ZBTB45: variants seen among roughly 807,000 people sequenced by gnomAD.
ZBTB45 encodes zinc finger and BTB domain-containing protein 45.
In ZBTB45, 22 loss-of-function variants were observed where a neutral mutation model predicts 28.4. The observed-to-expected ratio is 0.77, with a 90% confidence interval of 0.55 to 1.10. The LOEUF (loss-of-function observed/expected upper bound fraction) is 1.10. ZBTB45 is among the 50% of genes least tolerant of loss of function. The probability of loss-of-function intolerance (pLI) is 0.00; values close to 1 mark genes in which losing one functional copy is unlikely to be tolerated. For missense variants in ZBTB45, 656 were observed against 750.2 expected (o/e 0.87, Z 1.47); for synonymous variants, 361 against 332.3 (o/e 1.09, Z -0.94).
Position 58,514,212 on chromosome 19 carries a change from G to A in ZBTB45, c.1378C>T (p.Gln460Ter). The change falls in exon 3 of 3, where the codon CAG becomes TAG. Residue 460 changes from glutamine to a stop codon, truncating the protein, a stop_gained. Coordinates refer to ENST00000594051, the MANE Select transcript of ZBTB45 (RefSeq NM_001316979.2). LOFTEE classifies it high-confidence loss of function. ...MVTHTGVRAF[Q>*]CAVCAKRFTQ... The stretch of plus-strand genomic sequence containing the variant: ...AAGCGCTTGGCGCAGACGGCGCACT[G>A]GAAGGCGCGCACGCCGGTGTGCGTG... 2.5e-6 allele frequency: 4 copies of A among 1,612,658 alleles called. No homozygotes were observed. The highest frequency in any genetic ancestry group is 3.4e-6 in the Non-Finnish European group (4 of 1,179,684).
At chr19:58,538,058 G>A (rs941181352) in intron 1 of ZBTB45, among the ~76,000 whole-genome samples, 1 of 151,866 alleles carries the variant, frequency 6.6e-6, no homozygotes, top group Non-Finnish European at 1.5e-5. Flanking sequence ...GGCTGGTGGC[G>A]AACTCCCGAC....
rs779404257 is a variant in ZBTB45, at chr19:58,517,163, G to A, written c.511C>T (p.Arg171Cys). 37 of 1,611,120 alleles carry A rather than the reference G, an allele frequency of 2.3e-5. No individual in the cohort carries two copies. The highest frequency in any genetic ancestry group is 2.7e-5 in the Non-Finnish European group (32 of 1,179,130). The change falls in exon 2 of 3, where the codon CGT becomes TGT. Residue 171 changes from arginine (R) to cysteine (C), a missense_variant. Physicochemically the swap from Arg to Cys is radical, Grantham distance 180 (BLOSUM62 -3). Transcript: ENST00000594051. ...PPGHPGAAHS[R>C]KQRQPARLQL... ...AAACGCGCGGGCTGGCGCTGCTTAC[G>A]GCTGTGTGCAGCACCGGGGTGCCCC...
intron 1 of ZBTB45, among the ~76,000 whole-genome samples, chr19:58,534,312 T>C (rs950620310): frequency 1.3e-5 from 2 of 152,182 alleles, no homozygotes; most frequent in African/African-American, 2.4e-5. Flanking sequence ...TGCACAACAT[T>C]GTGAATGCAT....
upstream of ZBTB45, among the ~76,000 whole-genome samples, chr19:58,522,724 C>T (rs2053585226): frequency 6.6e-6 from 1 of 152,224 alleles, no homozygotes; most frequent in Non-Finnish European, 1.5e-5. Flanking sequence ...GCTGGACCCA[C>T]TGGGTCTGCT....
chr19:58,530,072 G>A (rs549690973), intron 1 of ZBTB45, among the ~76,000 whole-genome samples: 3 of 152,180 alleles, frequency 2.0e-5, no homozygotes, highest in Non-Finnish European at 4.4e-5. Flanking sequence ...GCATGATGGT[G>A]CATGCCTGCA....
intron 1 of ZBTB45, among the ~76,000 whole-genome samples, chr19:58,530,264 T>C (rs1036983307): frequency 1.3e-5 from 2 of 151,942 alleles, no homozygotes; most frequent in Non-Finnish European, 2.9e-5. Context: ...ACCACATTTA[T>C]TTATCCATTA....
chr19:58,517,970 A>G (rs1022019043), intron 1 of ZBTB45, among the ~76,000 whole-genome samples: 4 of 151,646 alleles, frequency 2.6e-5, no homozygotes, highest in African/African-American at 9.7e-5. Flanking sequence ...TGCTCCCGAA[A>G]AGGTTCAGGC....
In ZBTB45 at chr19:58,516,999, A is replaced by C. The variant is rs878912101; in HGVS notation, c.675T>G (p.Gly225=). The change falls in exon 2 of 3, where the codon GGT becomes GGG. Residue 225 remains glycine, a synonymous_variant. Transcript: ENST00000594051. The surrounding 1 kb of genome is among the most constrained non-coding windows in gnomAD (Gnocchi z 6.2). ...DDETDGEDGE[G]GGPGEGQAPP... ...GTGCCTGGCCCTCGCCTGGGCCGCC[A>C]CCTTCGCCATCCTCGCCATCGGTCT... The C allele has an allele frequency of 3.1e-6, 5 of 1,613,082 alleles. No homozygotes were observed. The South Asian group carries it at 4.4e-5, about 14-fold the overall frequency.
At position 58,515,021 on chromosome 19, in the gene ZBTB45, A is replaced by T. The variant is rs2053472910; in HGVS notation, c.1280-711T>A. 6.6e-6 allele frequency among the ~76,000 whole-genome samples: 1 copy of T among 152,162 alleles called. No homozygotes were observed. The highest frequency in any genetic ancestry group is 1.5e-5 in the Non-Finnish European group (1 of 68,038). ...CTGAGTCCACCCCTAGATTCATCAG[A>T]TGTTAACAAAATGCCTGTCTCAGCC... On this transcript the variant is annotated intron_variant, in intron 2 of 2. Coordinates refer to ENST00000594051, the MANE Select transcript of ZBTB45 (RefSeq NM_001316979.2). The surrounding 1 kb of genome is among the most constrained non-coding windows in gnomAD (Gnocchi z 4.7).
At position 58,515,587 on chromosome 19, in the gene ZBTB45, C is replaced by G. The variant is rs940425162; in HGVS notation, c.1279+808G>C. 1.3e-5 allele frequency among the ~76,000 whole-genome samples: 2 copies of G among 152,192 alleles called. No homozygotes were observed. The highest frequency in any genetic ancestry group is 2.9e-5 in the Non-Finnish European group (2 of 68,036). On this transcript the variant is annotated intron_variant, in intron 2 of 2. Coordinates refer to ENST00000594051, the MANE Select transcript of ZBTB45 (RefSeq NM_001316979.2). The surrounding 1 kb of genome is among the most constrained non-coding windows in gnomAD (Gnocchi z 4.7). ...CCCAGCTTAGAACACCATGGCTTCC[C>G]CACCACTCACAGTCAAATCCCAAGT...
upstream of ZBTB45, among the ~76,000 whole-genome samples, chr19:58,523,164 C>G (rs566414009): frequency 6.6e-6 from 1 of 152,220 alleles, no homozygotes; most frequent in East Asian, 1.9e-4. Flanking sequence ...AAACCAAACC[C>G]TGACCTCTCT....
chr19:58,527,211 C>T (rs2053612619), intron 1 of ZBTB45, among the ~76,000 whole-genome samples: 1 of 152,172 alleles, frequency 6.6e-6, no homozygotes, highest in African/African-American at 2.4e-5. Context: ...CGAGGAATTC[C>T]ACCACCCACA....
chr19:58,538,462 G>A (rs2053673060), intron 1 of ZBTB45, among the ~76,000 whole-genome samples: 1 of 152,178 alleles, frequency 6.6e-6, no homozygotes, highest in Admixed American at 6.5e-5. Flanking sequence ...TGGGCGTGGA[G>A]GCGGTGACTA....
intron 1 of ZBTB45, among the ~76,000 whole-genome samples, chr19:58,526,106 T>G (rs1468898310): frequency 1.3e-5 from 2 of 152,192 alleles, no homozygotes; most frequent in Non-Finnish European, 2.9e-5. Context: ...CACATGCCTA[T>G]AATCCCAGCT....
In ZBTB45 at chr19:58,514,109, A is replaced by C. The variant is rs764524470; in HGVS notation, c.1481T>G (p.Val494Gly). ...ERAPCPACGK[V>G]FSHRALLERH... ...CTCCAGCAGCGCGCGGTGCGAGAAG[A>C]CCTTGCCGCAGGCGGGGCAGGGCGC... Residue 494 changes from valine to glycine, a missense_variant, in exon 3 of 3, where the codon GTC (valine) becomes GGC (glycine). By Grantham distance (109) the Val-to-Gly change is moderately radical. Transcript: ENST00000594051. 2.5e-6 allele frequency: 4 copies of C among 1,600,094 alleles called. No individual in the cohort carries two copies. The highest frequency in any genetic ancestry group is 3.4e-6 in the Non-Finnish European group (4 of 1,174,198).
intron 1 of ZBTB45, among the ~76,000 whole-genome samples, chr19:58,530,916 C>A (rs2053632869): frequency 6.6e-6 from 1 of 152,146 alleles, no homozygotes; most frequent in Admixed American, 6.5e-5. Flanking sequence ...ATCTCCCGAC[C>A]TCATGATCCA....
At chr19:58,523,254 G>C (rs1200645312), upstream of ZBTB45, among the ~76,000 whole-genome samples, 2 of 152,072 alleles carry the variant, frequency 1.3e-5, no homozygotes, top group African/African-American at 4.8e-5. Context: ...ACAAGGCTGG[G>C]CGTGGTGGCG....
intron 1 of ZBTB45, among the ~76,000 whole-genome samples, chr19:58,534,352 T>G (rs766618259): frequency 7.2e-5 from 11 of 152,132 alleles, no homozygotes; most frequent in Non-Finnish European, 1.6e-4. Context: ...ACTTTTAAAC[T>G]GGCTAAAATG....
At position 58,515,255 on chromosome 19, in the gene ZBTB45, G is replaced by C. The variant is rs1382230358; in HGVS notation, c.1280-945C>G. The stretch of plus-strand genomic sequence containing the variant: ...CACTTGAACCCAGGAGGCAGAGGTT[G>C]CAGTGAGCCGAGATCACACCACTGC... On this transcript the variant is annotated intron_variant, in intron 2 of 2. Coordinates refer to ENST00000594051, the MANE Select transcript of ZBTB45 (RefSeq NM_001316979.2). This position sits in a 1 kb window ranked among gnomAD's most constrained non-coding sequence, Gnocchi z 4.7. Among the ~76,000 whole-genome samples, 1 of 151,778 alleles carries C rather than the reference G, an allele frequency of 6.6e-6. No homozygotes were observed. The highest frequency in any genetic ancestry group is 1.9e-4 in the East Asian group (1 of 5,172).
Sources: allele counts gnomAD v4.1 joint callset (sites outside exome capture counted in the v4.1 genomes callset), GRCh38; gene constraint gnomAD v4.1.1; non-coding constraint Gnocchi (gnomAD v3.1); transcripts MANE v1.5; gene names NCBI Gene and HGNC (gene_info 2026-07-23, HGNC 2026-07-21).